The following GRM8 variants were observed in gnomAD, a reference collection of about 807,000 sequenced individuals.
GRM8 encodes metabotropic glutamate receptor 8.
In GRM8, 47 loss-of-function variants were observed where a neutral mutation model predicts 87.2. The observed-to-expected ratio is 0.54, with a 90% CI of 0.43 to 0.69. The LOEUF is 0.69. Among genes scored for constraint, GRM8 ranks in the 30% least tolerant of loss-of-function variants. The pLI is 0.00. For missense variants in GRM8, 1,019 were observed against 1,139.2 expected (o/e 0.89, Z 1.52); for synonymous variants, 396 against 404.5 (o/e 0.98, Z 0.25).
chr7:126,684,248 C>A (rs1186190863), intron 7 of GRM8, among the ~76,000 whole-genome samples: 1 of 152,166 alleles, frequency 6.6e-6, no homozygotes, highest in Non-Finnish European at 1.5e-5. Context: ...GTAGTCACAG[C>A]AGACTGGGGC....
At chr7:126,751,067 A>T (rs1816360426) in intron 7 of GRM8, among the ~76,000 whole-genome samples, 1 of 152,134 alleles carries the variant, frequency 6.6e-6, no homozygotes, top group South Asian at 2.1e-4. Context: ...ATTAAATAAT[A>T]TAGAAATAAT....
intron 6 of GRM8, among the ~76,000 whole-genome samples, chr7:126,790,012 TC>T (rs1821104551): frequency 6.7e-6 from 1 of 148,178 alleles, no homozygotes; most frequent in African/African-American, 2.6e-5. Context: ...ATTCTCTCTC[TC>T]TTTTTTTTTT....
chr7:126,798,124 T>C (rs998811016), intron 6 of GRM8, among the ~76,000 whole-genome samples: 1 of 151,846 alleles, frequency 6.6e-6, no homozygotes, highest in Non-Finnish European at 1.5e-5. Context: ...TCCAGTGTCT[T>C]CAACTTGTCT....
chr7:126,489,113 T>C (rs1453901160), intron 9 of GRM8, among the ~76,000 whole-genome samples: 2 of 152,038 alleles, frequency 1.3e-5, no homozygotes, highest in African/African-American at 2.4e-5. Context: ...CCACATAGTA[T>C]AGACTTAAAG....
rs147608565 is a variant in GRM8, at chr7:127,011,482, G to A, written c.727+95014C>T. ...TGCAGTTGTGATCATGATATATAATGTTTATTAAACTACTTGCATATATAG... is the reference window on the plus strand; with the variant it reads ...TGCAGTTGTGATCATGATATATAATATTTATTAAACTACTTGCATATATAG... On this transcript the variant is annotated intron_variant, in intron 3 of 10. Transcript: ENST00000339582. 2.7e-3 allele frequency among the ~76,000 whole-genome samples: 412 copies of A among 152,158 alleles called. 3 individuals carry two copies. Among genetic ancestry groups the A allele is most frequent in the African/African-American group, 9.5e-3 (394 of 41,526 alleles).
chr7:126,504,598 G>A (rs1214626569), intron 9 of GRM8, among the ~76,000 whole-genome samples: 1 of 151,908 alleles, frequency 6.6e-6, no homozygotes, highest in Non-Finnish European at 1.5e-5. Flanking sequence ...AAACCCCCAT[G>A]ACACACAATT....
At chr7:126,892,855 T>A (rs1208931933) in intron 6 of GRM8, among the ~76,000 whole-genome samples, 1 of 152,160 alleles carries the variant, frequency 6.6e-6, no homozygotes, top group Non-Finnish European at 1.5e-5. Flanking sequence ...GTTATCTCAT[T>A]GTGGTTTTGA....
chr7:126,485,131 C>A (rs1426390888), intron 9 of GRM8, among the ~76,000 whole-genome samples: 1 of 151,986 alleles, frequency 6.6e-6, no homozygotes, highest in Non-Finnish European at 1.5e-5. Context: ...CAAGCAAATG[C>A]AAATGCAATA....
chr7:126,995,436 C>G (rs541532613), intron 3 of GRM8, among the ~76,000 whole-genome samples: 3 of 152,094 alleles, frequency 2.0e-5, no homozygotes, highest in African/African-American at 7.2e-5. Context: ...ATAGCTCTTT[C>G]GAGGAAACTC....
intron 6 of GRM8, among the ~76,000 whole-genome samples, chr7:126,822,061 A>C (rs1209458785): frequency 6.6e-6 from 1 of 152,208 alleles, no homozygotes; most frequent in Non-Finnish European, 1.5e-5. Context: ...TTTAGTAAGA[A>C]TGCCACAGAG....
At chr7:126,484,532 A>G (rs2150609139) in intron 9 of GRM8, among the ~76,000 whole-genome samples, 1 of 152,222 alleles carries the variant, frequency 6.6e-6, no homozygotes, top group East Asian at 1.9e-4. Flanking sequence ...CAATGAGCAC[A>G]TTCATAAGAA....
At chr7:126,927,907 C>T (rs1489664264) in intron 3 of GRM8, among the ~76,000 whole-genome samples, 1 of 152,116 alleles carries the variant, frequency 6.6e-6, no homozygotes, top group Non-Finnish European at 1.5e-5. Flanking sequence ...ACTATAAAGA[C>T]ACATGTACAT....
intron 3 of GRM8, among the ~76,000 whole-genome samples, chr7:126,914,103 C>T (rs895127513): frequency 2.0e-5 from 3 of 152,026 alleles, no homozygotes; most frequent in Non-Finnish European, 2.9e-5. Flanking sequence ...CACTGTGAAA[C>T]GGGACTGCAA....
intron 7 of GRM8, among the ~76,000 whole-genome samples, chr7:126,656,641 C>T (rs1804563969): frequency 6.6e-6 from 1 of 151,808 alleles, no homozygotes; most frequent in Non-Finnish European, 1.5e-5. Context: ...GCACTCTAGC[C>T]TAGATGACAA....
At chr7:126,762,297 G>T (rs1450877346) in intron 7 of GRM8, among the ~76,000 whole-genome samples, 1 of 151,772 alleles carries the variant, frequency 6.6e-6, no homozygotes, top group Non-Finnish European at 1.5e-5. Flanking sequence ...AGAGAATTCA[G>T]ACCTGGAAGA....
intron 3 of GRM8, among the ~76,000 whole-genome samples, chr7:127,057,815 A>G (rs1182060393): frequency 1.3e-5 from 2 of 152,166 alleles, no homozygotes; most frequent in Non-Finnish European, 2.9e-5. Flanking sequence ...CCCACAAAAA[A>G]AAAAACCTAA....
chr7:126,635,241 T>C (rs1447097932), intron 7 of GRM8, among the ~76,000 whole-genome samples: 2 of 151,566 alleles, frequency 1.3e-5, no homozygotes, highest in Non-Finnish European at 2.9e-5. Context: ...ATCAAGAGTA[T>C]AAAAAATAAA....
chr7:126,744,681 C>T (rs1815432303), intron 7 of GRM8, among the ~76,000 whole-genome samples: 1 of 151,860 alleles, frequency 6.6e-6, no homozygotes, highest in South Asian at 2.1e-4. Context: ...CAATATTTGT[C>T]AGATTTTGGT....
chr7:126,702,418 T>C lies in GRM8; in HGVS notation c.1357+67447A>G, dbSNP rs867661114. On this transcript the variant is annotated intron_variant, in intron 7 of 10. Coordinates refer to ENST00000339582, the MANE Select transcript of GRM8 (RefSeq NM_000845.3). ...TATGTTTCATATCCTCCTCCGCAGCTAGGGATCTGGATTTAGACACAGACA... is the reference window on the plus strand; with the variant it reads ...TATGTTTCATATCCTCCTCCGCAGCCAGGGATCTGGATTTAGACACAGACA... Among the ~76,000 whole-genome samples, 6 of 152,314 alleles carry C rather than the reference T, an allele frequency of 3.9e-5. No homozygotes were observed. The South Asian group carries it at 1.2e-3, about 32-fold the overall frequency.
Sources: gnomAD v4.1 joint callset for allele counts (sites outside exome capture counted in the v4.1 genomes callset) on GRCh38, gnomAD v4.1.1 for gene constraint, MANE v1.5 for transcripts, NCBI Gene and HGNC (gene_info 2026-07-23, HGNC 2026-07-21) for gene names.